The following SLC2A9 variants were observed in gnomAD, a reference collection of about 807,000 sequenced individuals.
SLC2A9 encodes solute carrier family 2, facilitated glucose transporter member 9.
Under a neutral mutation model 50.6 loss-of-function variants are expected in SLC2A9, and 39 were observed. The ratio of observed to expected loss-of-function variants is 0.77; its 90% CI spans 0.60 to 1.01. The LOEUF is 1.01. SLC2A9 is among the 50% of genes least tolerant of loss of function. The pLI, the probability that SLC2A9 is intolerant of heterozygous loss-of-function variation, is 0.00. For synonymous variants in SLC2A9, 324 were observed against 276.9 expected, an observed-to-expected ratio of 1.17 and a Z score of -1.69; for missense variants, 686 against 677.6, an observed-to-expected ratio of 1.01 and a Z score of -0.14.
intron 2 of SLC2A9, among the ~76,000 whole-genome samples, chr4:10,000,866 C>T (rs1337671371): frequency 6.6e-6 from 1 of 152,102 alleles, no homozygotes; most frequent in Non-Finnish European, 1.5e-5. Context: ...TCCAGTTGCT[C>T]AGCCAAAAAC....
intron 2 of SLC2A9, among the ~76,000 whole-genome samples, chr4:10,002,827 TG>T (rs1465562312): frequency 6.6e-6 from 1 of 150,416 alleles, no homozygotes; most frequent in Non-Finnish European, 1.5e-5. Context: ...CACTCCAGCC[TG>T]GGGGACTGAG....
chr4:10,036,996 C>A (rs1296875040), intron 1 of SLC2A9, among the ~76,000 whole-genome samples: 9 of 152,208 alleles, frequency 5.9e-5, no homozygotes, highest in African/African-American at 2.2e-4. Flanking sequence ...TGCTGCACAA[C>A]CTTGTTCAGA....
intron 1 of SLC2A9, among the ~76,000 whole-genome samples, chr4:9,771,880 C>T (rs1479487909): frequency 3.3e-5 from 5 of 152,162 alleles, no homozygotes; most frequent in Non-Finnish European, 7.3e-5. Context: ...TGCAAAGGCA[C>T]AGGGCCTGAA....
At chr4:9,795,399 G>A (rs745774462), downstream of SLC2A9, among the ~76,000 whole-genome samples, 2 of 152,174 alleles carry the variant, frequency 1.3e-5, no homozygotes, top group African/African-American at 2.4e-5. Flanking sequence ...GCTTGTAGGT[G>A]AAAGTTAAAA....
chr4:9,901,050 T>C (rs1352567342), intron 8 of SLC2A9, among the ~76,000 whole-genome samples: 2 of 152,210 alleles, frequency 1.3e-5, no homozygotes, highest in South Asian at 2.1e-4. Flanking sequence ...GTAACACTAA[T>C]GCTTTTGATC....
chr4:9,862,638 C>A (rs1731835535), intron 10 of SLC2A9, among the ~76,000 whole-genome samples: 1 of 151,976 alleles, frequency 6.6e-6, no homozygotes, highest in South Asian at 2.1e-4. Flanking sequence ...TTTGCACATT[C>A]TTCCCCTACA....
At chr4:9,976,541 T>C (rs1251753777) in intron 5 of SLC2A9, among the ~76,000 whole-genome samples, 3 of 152,262 alleles carry the variant, frequency 2.0e-5, no homozygotes, top group Non-Finnish European at 2.9e-5. Flanking sequence ...CCAGAAGCCC[T>C]AGATCCACAT....
intron 5 of SLC2A9, among the ~76,000 whole-genome samples, chr4:9,951,918 G>A (rs1578051042): frequency 6.6e-6 from 1 of 152,336 alleles, no homozygotes; most frequent in East Asian, 1.9e-4. Context: ...CAAAGCAGTG[G>A]GGTTAAGCTG....
intron 6 of SLC2A9, 74 bp downstream of exon 6, chr4:9,941,839 C>T: frequency 6.3e-7 from 1 of 1,599,394 alleles, no homozygotes; most frequent in Non-Finnish European, 8.5e-7. Context: ...GCCCATTGGC[C>T]CAGGTCCCAG....
At chr4:9,783,310 C>A (rs763038112) in intron 3 of SLC2A9, 3 of 1,614,212 alleles carry the variant, frequency 1.9e-6, no homozygotes, top group Admixed American at 1.7e-5. Context: ...AGGTGGACAA[C>A]GACGAGGAGG....
At chr4:9,994,869 T>TGACTC (rs1344020035) in intron 3 of SLC2A9, among the ~76,000 whole-genome samples, 1 of 151,662 alleles carries the variant, frequency 6.6e-6, no homozygotes, top group Non-Finnish European at 1.5e-5. Context: ...GCATGGGGAG[T>TGACTC]GACTCCATCC....
At chr4:9,774,196 G>T (rs1717214438) in intron 1 of SLC2A9, among the ~76,000 whole-genome samples, 1 of 152,032 alleles carries the variant, frequency 6.6e-6, no homozygotes, top group Non-Finnish European at 1.5e-5. Flanking sequence ...GTTTTGCCAT[G>T]TTGGTCAGGC....
rs558199221 is a variant in SLC2A9, at chr4:9,790,413, T to C, written n.386-10348A>G. Among the ~76,000 whole-genome samples, 52 of 152,274 alleles carry C rather than the reference T, an allele frequency of 3.4e-4. No homozygotes were observed. In the South Asian group the frequency reaches 3.5e-3, roughly 10 times the overall value. On this transcript the variant is annotated intron_variant and non_coding_transcript_variant, in intron 3 of 3. Transcript: ENST00000503803. ...CTCTATTTTTCTACACACTTGATAA[T>C]TTGTAGATTTGGGAAAGCATGCCCA... is the stretch of plus-strand genomic sequence containing the variant.
intron 8 of SLC2A9, among the ~76,000 whole-genome samples, chr4:9,891,428 C>T (rs1737411395): frequency 6.6e-6 from 1 of 152,198 alleles, no homozygotes; most frequent in East Asian, 1.9e-4. Flanking sequence ...TTTCCAGATG[C>T]ACGAACTTTG....
At chr4:9,979,640 C>T (rs1426039034) in intron 5 of SLC2A9, among the ~76,000 whole-genome samples, 1 of 152,012 alleles carries the variant, frequency 6.6e-6, no homozygotes, top group Non-Finnish European at 1.5e-5. Context: ...TCTCTCCTCC[C>T]CACCCTTCCC....
At chr4:9,831,549 G>T (rs1287610107) in intron 11 of SLC2A9, among the ~76,000 whole-genome samples, 1 of 152,218 alleles carries the variant, frequency 6.6e-6, no homozygotes, top group Non-Finnish European at 1.5e-5. Context: ...CACCACTGTT[G>T]TCTGTAAAAG....
At chr4:10,023,634 G>A (rs919598371), upstream of SLC2A9, among the ~76,000 whole-genome samples, 5 of 152,178 alleles carry the variant, frequency 3.3e-5, no homozygotes, top group East Asian at 3.9e-4. Context: ...GGTCCCTCCC[G>A]GATCCAGATG....
At chr4:9,993,449 G>A (rs996503592) in intron 3 of SLC2A9, among the ~76,000 whole-genome samples, 2 of 152,130 alleles carry the variant, frequency 1.3e-5, no homozygotes, top group Admixed American at 6.5e-5. Context: ...AAGAGTCTGG[G>A]TCAATTGTAG....
chr4:10,018,717 C>T lies in SLC2A9; in HGVS notation c.249+258G>A, dbSNP rs569558322. 3.3e-5 allele frequency among the ~76,000 whole-genome samples: 5 copies of T among 152,188 alleles called. No homozygotes were observed. In the East Asian group the frequency reaches 9.7e-4, roughly 29 times the overall value. On this transcript the variant is annotated intron_variant, in intron 2 of 11. Transcript: ENST00000264784. The stretch of plus-strand genomic sequence containing the variant: ...CCCACCCCGGGACTTCCGAAGCCCC[C>T]TCTCATCTAGTCTCCCAACGTTCTC...
Sources: gnomAD v4.1 joint callset for allele counts (sites outside exome capture counted in the v4.1 genomes callset) on GRCh38, gnomAD v4.1.1 for gene constraint, MANE v1.5 for transcripts, NCBI Gene and HGNC (gene_info 2026-07-23, HGNC 2026-07-21) for gene names.